TP63: variants seen among roughly 807,000 people sequenced by gnomAD.
The protein encoded by TP63 is tumor protein p63, also known as tumor protein 63.
In TP63, 17 loss-of-function variants were observed where a neutral mutation model predicts 82.8. That is an observed-to-expected ratio of 0.21 (90% CI 0.14 to 0.31). The LOEUF is 0.31. TP63 is among the 10% of genes least tolerant of loss of function. TP63 has a pLI of 1.00. For synonymous variants in TP63, 330 were observed against 321.7 expected (o/e 1.03, Z -0.28); for missense variants, 648 against 895.3 (o/e 0.72, Z 3.52).
intron 1 of TP63, among the ~76,000 whole-genome samples, chr3:189,673,900 C>T (rs1715156682): frequency 6.6e-6 from 1 of 152,016 alleles, no homozygotes; most frequent in South Asian, 2.1e-4. Flanking sequence ...AATAGAAGTA[C>T]AGCAAATTGA....
rs115037949 is a variant in TP63 at position 189,711,874 on chromosome 3, G to A, written c.63-25866G>A. ...AGCAAAGAATATAAGGCGGAGATAGGTAGGCTGATGGAACTTCCGTGATAG... is the reference window on the plus strand; with the variant it reads ...AGCAAAGAATATAAGGCGGAGATAGATAGGCTGATGGAACTTCCGTGATAG... On this transcript the variant is annotated intron_variant, in intron 1 of 13. Coordinates refer to ENST00000264731, the MANE Select transcript of TP63 (RefSeq NM_003722.5). Among the ~76,000 whole-genome samples, 327 of 152,286 alleles carry A rather than the reference G, an allele frequency of 2.1e-3. 1 individual carries two copies. The highest frequency in any genetic ancestry group is 3.8e-3 in the Non-Finnish European group (261 of 68,024).
chr3:189,887,947 C>G (rs922837477), intron 11 of TP63, among the ~76,000 whole-genome samples: 15 of 151,208 alleles, frequency 9.9e-5, no homozygotes, highest in African/African-American at 3.4e-4. Context: ...ATCTCTGCCT[C>G]CCAGGTTCAA....
At chr3:189,597,589 T>G in the TP63 span, among the ~76,000 whole-genome samples, 1 of 152,146 alleles carries the variant, frequency 6.6e-6, no homozygotes, top group South Asian at 2.1e-4. Flanking sequence ...TTGAAACAGA[T>G]TCATAGGTGG....
intron 1 of TP63, among the ~76,000 whole-genome samples, chr3:189,677,105 T>C (rs931158721): frequency 1.3e-5 from 2 of 151,684 alleles, no homozygotes; most frequent in Admixed American, 6.6e-5. Context: ...TGAGTTATTT[T>C]ACTTAAGATA....
chr3:189,665,213 A>G (rs1217473503), intron 1 of TP63, among the ~76,000 whole-genome samples: 1 of 152,112 alleles, frequency 6.6e-6, no homozygotes, highest in Non-Finnish European at 1.5e-5. Context: ...GTAGCTTAAA[A>G]TTGGCCATGT....
At chr3:189,875,320 C>T (rs1038359224) in intron 10 of TP63, among the ~76,000 whole-genome samples, 14 of 151,828 alleles carry the variant, frequency 9.2e-5, no homozygotes, top group African/African-American at 3.1e-4. Context: ...GTAATCCCAG[C>T]ACTTTGGTAG....
At chr3:189,856,648 A>G (rs1410812054) in intron 4 of TP63, among the ~76,000 whole-genome samples, 1 of 152,040 alleles carries the variant, frequency 6.6e-6, no homozygotes, top group Non-Finnish European at 1.5e-5. Context: ...TACAAGAACT[A>G]GTAAGTTTAC....
At chr3:189,638,332 A>T (rs1460744513) in intron 1 of TP63, among the ~76,000 whole-genome samples, 1 of 152,128 alleles carries the variant, frequency 6.6e-6, no homozygotes, top group African/African-American at 2.4e-5. Flanking sequence ...TATATGAGTG[A>T]AATACAATCC....
chr3:189,847,380 T>C (rs1301023684), intron 4 of TP63, among the ~76,000 whole-genome samples: 1 of 152,126 alleles, frequency 6.6e-6, no homozygotes, highest in East Asian at 1.9e-4. Flanking sequence ...ATAATCATCA[T>C]CATCATCATC....
intron 9 of TP63, among the ~76,000 whole-genome samples, chr3:189,871,059 C>T (rs1326160851): frequency 1.3e-5 from 2 of 152,090 alleles, no homozygotes; most frequent in East Asian, 1.9e-4. Flanking sequence ...CCCTGATACA[C>T]TAAATATTCC....
intron 3 of TP63, among the ~76,000 whole-genome samples, chr3:189,801,716 T>C (rs139400410): frequency 6.6e-6 from 1 of 152,330 alleles, no homozygotes; most frequent in East Asian, 1.9e-4. Context: ...GAGCTCTTTC[T>C]CCTAAATTAT....
intron 3 of TP63, among the ~76,000 whole-genome samples, chr3:189,772,261 A>T (rs1252622752): frequency 6.6e-6 from 1 of 152,186 alleles, no homozygotes; most frequent in African/African-American, 2.4e-5. Context: ...GGCTTTAGAG[A>T]TCACGTACTA....
chr3:189,774,440 G>A (rs952200950), intron 3 of TP63, among the ~76,000 whole-genome samples: 1 of 152,204 alleles, frequency 6.6e-6, no homozygotes, highest in African/African-American at 2.4e-5. Flanking sequence ...ACTTTTGTGA[G>A]CTGAGAAGTC....
intron 4 of TP63, among the ~76,000 whole-genome samples, chr3:189,811,659 A>T (rs964523724): frequency 6.6e-6 from 1 of 152,196 alleles, no homozygotes; most frequent in Non-Finnish European, 1.5e-5. Flanking sequence ...ATTTTTTCAT[A>T]TATTTATCTT....
chr3:189,663,521 C>CTTTTTTTTTTTTTTTTTT (rs397991949), intron 1 of TP63, among the ~76,000 whole-genome samples: 5 of 84,528 alleles, frequency 5.9e-5, no homozygotes, highest in Non-Finnish European at 8.3e-5. Context: ...TTCATTCATT[C>CTTTTTTTTTTTTTTTTTT]TTTTTTTTTT....
chr3:189,686,426 G>A lies in TP63; in HGVS notation c.63-51314G>A, dbSNP rs186883972. On this transcript the variant is annotated intron_variant, in intron 1 of 13. Coordinates refer to ENST00000264731, the MANE Select transcript of TP63 (RefSeq NM_003722.5). ...GCCAGCAATTCAAAGAAACTAAGAT[G>A]TGGCATCACAGGATGTCTCCAGTTT... Among the ~76,000 whole-genome samples the A allele has an allele frequency of 7.1e-4, 108 of 152,190 alleles. 1 individual carries two copies. Among genetic ancestry groups the A allele is most frequent in the Admixed American group, 1.7e-3 (26 of 15,282 alleles).
intron 10 of TP63, chr3:189,873,309 C>G (rs1718664653): frequency 2.4e-6 from 1 of 425,406 alleles, no homozygotes; most frequent in Non-Finnish European, 4.4e-6. Flanking sequence ...AGTACACACT[C>G]TATTTGGTAG....
chr3:189,773,984 A>G (rs1179928961), intron 3 of TP63, among the ~76,000 whole-genome samples: 11 of 131,290 alleles, frequency 8.4e-5, no homozygotes, highest in Non-Finnish European at 9.2e-5. Flanking sequence ...GTGCAGTGGC[A>G]CGATCTTGGC....
intron 1 of TP63, among the ~76,000 whole-genome samples, chr3:189,736,362 T>C (rs116347900): frequency 7.9e-5 from 12 of 152,136 alleles, no homozygotes; most frequent in Non-Finnish European, 1.3e-4. Context: ...TTCTCACACA[T>C]ACCAGGCTAT....
Sources: allele counts gnomAD v4.1 joint callset (sites outside exome capture counted in the v4.1 genomes callset), GRCh38; gene constraint gnomAD v4.1.1; transcripts MANE v1.5; gene names NCBI Gene and HGNC (gene_info 2026-07-23, HGNC 2026-07-21).